EDAR: variants seen among roughly 807,000 people sequenced by gnomAD.
The protein encoded by EDAR is tumor necrosis factor receptor superfamily member EDAR.
In EDAR, 38 loss-of-function variants were observed where a neutral mutation model predicts 51.3. The observed-to-expected ratio is 0.74, with a 90% confidence interval of 0.57 to 0.97. The LOEUF is 0.97. Ranked by LOEUF, EDAR falls within the 50% of genes least tolerant of loss-of-function variation. The pLI, the probability that EDAR is intolerant of heterozygous loss-of-function variation, is 0.00. For missense variants in EDAR, 528 were observed against 595.0 expected (o/e 0.89, Z 1.17); for synonymous variants, 227 against 242.1 (o/e 0.94, Z 0.58).
chr2:108,983,870 T>C (rs1343514222), intron 1 of EDAR, among the ~76,000 whole-genome samples: 1 of 152,128 alleles, frequency 6.6e-6, no homozygotes, highest in East Asian at 1.9e-4. Context: ...AGCCACTGCG[T>C]CCCCACTCCA....
At chr2:108,918,829 C>T (rs150648941) in intron 5 of EDAR, among the ~76,000 whole-genome samples, 77 of 152,294 alleles carry the variant, frequency 5.1e-4, no homozygotes, top group African/African-American at 1.8e-3. Context: ...GGATTCTCTG[C>T]AGAGGGTAAA....
At chr2:108,914,481 C>A (rs1048261719) in intron 5 of EDAR, among the ~76,000 whole-genome samples, 7 of 152,064 alleles carry the variant, frequency 4.6e-5, no homozygotes, top group African/African-American at 1.4e-4. Flanking sequence ...CCCACAACTC[C>A]CCTTCTATGG....
rs775610837 is a variant in EDAR, at chr2:108,907,928, C to G, written c.895G>C (p.Glu299Gln). ...EPAPDKQGSP[E>Q]LCLLSLVHLA... The stretch of plus-strand genomic sequence containing the variant: ...TGAACCAGCGACAGCAGGCACAGCT[C>G]CGGGGAGCCCTGCTTGTCAGGGGCG... Residue 299 changes from glutamate to glutamine, a missense_variant, in exon 10 of 12, where the codon GAG (glutamate) becomes CAG (glutamine). Coordinates refer to ENST00000258443, the MANE Select transcript of EDAR (RefSeq NM_022336.4). 5.0e-6 allele frequency: 8 copies of G among 1,613,676 alleles called. No homozygotes were observed. The highest frequency in any genetic ancestry group is 1.1e-5 in the South Asian group (1 of 91,074).
At position 108,931,230 on chromosome 2, in the gene EDAR, G is replaced by A. The variant is rs552856121; in HGVS notation, c.-18-198C>T. Among the ~76,000 whole-genome samples the A allele has an allele frequency of 5.9e-5, 9 of 152,342 alleles. No homozygotes were observed. The South Asian group carries it at 6.2e-4, about 11-fold the overall frequency. ...CTGACTCTGGGGCCTTCCCAGCCTC[G>A]CAGCCATGCCTGGGAGGGAGCCTGA... On this transcript the variant is annotated intron_variant, in intron 1 of 11. Coordinates refer to ENST00000258443, the MANE Select transcript of EDAR (RefSeq NM_022336.4).
At chr2:108,908,300 C>T (rs946906753) in intron 9 of EDAR, among the ~76,000 whole-genome samples, 9 of 152,162 alleles carry the variant, frequency 5.9e-5, no homozygotes, top group Non-Finnish European at 1.2e-4. Flanking sequence ...GAGGCATCCA[C>T]GGGCCTCTCC....
In EDAR at chr2:108,897,016, G is replaced by A. The variant is rs1696610288; in HGVS notation, c.1238C>T (p.Thr413Ile). The A allele has an allele frequency of 6.2e-7, 1 of 1,613,892 alleles. No individual in the cohort carries two copies. The highest frequency in any genetic ancestry group is 1.7e-5 in the Admixed American group (1 of 59,980). The part of the protein sequence containing the change: ...TAGYSIPELL[T>I]KLVQIERLDA... Reference sequence around the variant, plus strand: ...CAGCCGCTCAATCTGCACCAGTTTTGTGAGTAGCTCAGGGATGCTGTAGCC... The same window carrying A: ...CAGCCGCTCAATCTGCACCAGTTTTATGAGTAGCTCAGGGATGCTGTAGCC... Residue 413 changes from threonine to isoleucine, a missense_variant, in exon 12 of 12, where the codon ACA (threonine) becomes ATA (isoleucine). By Grantham distance (89) the Thr-to-Ile change is moderately conservative (BLOSUM62 -1). Transcript: ENST00000258443.
intron 1 of EDAR, among the ~76,000 whole-genome samples, chr2:108,951,395 T>C (rs1301849624): frequency 6.6e-6 from 1 of 152,212 alleles, no homozygotes; most frequent in Non-Finnish European, 1.5e-5. Flanking sequence ...TCCAAGGTCA[T>C]ACAGGAATTC....
At chr2:108,956,208 T>G (rs1697922794) in intron 1 of EDAR, among the ~76,000 whole-genome samples, 1 of 152,190 alleles carries the variant, frequency 6.6e-6, no homozygotes, top group Non-Finnish European at 1.5e-5. Flanking sequence ...ATATTTGTCC[T>G]TCAGGCTGGT....
chr2:108,946,944 A>G (rs1002267615), intron 1 of EDAR, among the ~76,000 whole-genome samples: 6 of 152,198 alleles, frequency 3.9e-5, no homozygotes, highest in Non-Finnish European at 8.8e-5. Context: ...ACAGTCTCCC[A>G]AAGTCTTACT....
intron 1 of EDAR, among the ~76,000 whole-genome samples, chr2:108,932,549 AAAAG>A (rs1697386572): frequency 2.0e-5 from 3 of 151,126 alleles, no homozygotes; most frequent in South Asian, 4.2e-4. Flanking sequence ...AAAAAAAAAA[AAAAG>A]AAAGAAATTA....
intron 5 of EDAR, among the ~76,000 whole-genome samples, chr2:108,917,201 T>C (rs1018675996): frequency 1.3e-5 from 2 of 152,100 alleles, no homozygotes; most frequent in African/African-American, 4.8e-5. Flanking sequence ...GCACAGCTGT[T>C]TCATAAAAGC....
At chr2:108,936,825 C>T (rs1031941333) in intron 1 of EDAR, among the ~76,000 whole-genome samples, 7 of 152,204 alleles carry the variant, frequency 4.6e-5, no homozygotes, top group African/African-American at 1.2e-4. Flanking sequence ...TCTGTTTCAC[C>T]GGAGCAGGAG....
At chr2:108,907,440 G>A (rs1175908222) in intron 10 of EDAR, among the ~76,000 whole-genome samples, 3 of 152,112 alleles carry the variant, frequency 2.0e-5, no homozygotes, top group Non-Finnish European at 2.9e-5. Flanking sequence ...GAACTCAGGA[G>A]TTTGAGAGCA....
At chr2:108,940,010 C>A (rs563783656) in intron 1 of EDAR, among the ~76,000 whole-genome samples, 1 of 152,212 alleles carries the variant, frequency 6.6e-6, no homozygotes, top group Non-Finnish European at 1.5e-5. Flanking sequence ...AATCCTTAAT[C>A]ATTGAAAGAC....
intron 1 of EDAR, among the ~76,000 whole-genome samples, chr2:108,939,931 G>A (rs1256043807): frequency 6.6e-6 from 1 of 152,180 alleles, no homozygotes; most frequent in Admixed American, 6.5e-5. Context: ...TGATGGAGAC[G>A]AGGCCTCCTG....
Position 108,929,340 on chromosome 2 carries a change from C to T in EDAR, c.214G>A (p.Val72Ile), listed in dbSNP as rs111801486. Reference protein sequence around the residue: ...YGTKDEDYGCVPCPAEKFSKG... With the variant: ...YGTKDEDYGCIPCPAEKFSKG... Reference sequence around the variant, plus strand: ...GAAAACTTCTCCGCCGGGCAGGGGACGCAGCCGTAGTCCTCGTCTTTGGTG... The same window carrying T: ...GAAAACTTCTCCGCCGGGCAGGGGATGCAGCCGTAGTCCTCGTCTTTGGTG... Residue 72 changes from valine to isoleucine, a missense_variant, in exon 4 of 12, where the codon GTC becomes ATC. By Grantham distance (29) the Val-to-Ile change is conservative. Transcript: ENST00000258443. The T allele has an allele frequency of 3.1e-5, 50 of 1,614,140 alleles. No homozygotes were observed. Among genetic ancestry groups the T allele is most frequent in the Middle Eastern group, 1.6e-4 (1 of 6,062 alleles).
chr2:108,899,071 A>G (rs1261041198), intron 11 of EDAR, among the ~76,000 whole-genome samples: 2 of 152,264 alleles, frequency 1.3e-5, no homozygotes, highest in African/African-American at 2.4e-5. Flanking sequence ...AGATTCAAGA[A>G]GATAAGCAAA....
rs1227581800 is a variant in EDAR at position 108,910,809 on chromosome 2, C to A, written c.697G>T (p.Val233Leu). 1 of 1,613,820 alleles carries A rather than the reference C, an allele frequency of 6.2e-7. No individual in the cohort carries two copies. Among genetic ancestry groups the A allele is most frequent in the Admixed American group, 1.7e-5 (1 of 60,004 alleles). ...TCTTTCTTCTCCTCGTCCTTGCTCACTTGGGCCTCCACGCTCTTCCCCGGG... is the reference window on the plus strand; with the variant it reads ...TCTTTCTTCTCCTCGTCCTTGCTCAATTGGGCCTCCACGCTCTTCCCCGGG... ...SHPGKSVEAQ[V>L]SKDEEKKEAP... The change falls in exon 8 of 12, where the codon GTG becomes TTG. Residue 233 changes from valine to leucine, a missense_variant. Val to Leu is a conservative substitution (Grantham distance 32, BLOSUM62 1). Transcript: ENST00000258443.
At chr2:108,909,154 C>T (rs999521712) in intron 9 of EDAR, among the ~76,000 whole-genome samples, 1 of 152,186 alleles carries the variant, frequency 6.6e-6, no homozygotes, top group African/African-American at 2.4e-5. Context: ...CCTAATAGGG[C>T]CTCCAAATTT....
Sources: allele counts gnomAD v4.1 joint callset (sites outside exome capture counted in the v4.1 genomes callset), GRCh38; gene constraint gnomAD v4.1.1; transcripts MANE v1.5; gene names NCBI Gene and HGNC (gene_info 2026-07-23, HGNC 2026-07-21).